ZNF655: variants seen among roughly 807,000 people sequenced by gnomAD.
ZNF655 encodes zinc finger protein 655.
ZNF655 carries 3 observed loss-of-function variants against 6.6 expected under a neutral mutation model. That is an observed-to-expected ratio of 0.46 (90% CI 0.21 to 1.18). The LOEUF (loss-of-function observed/expected upper bound fraction) is 1.18. Ranked by LOEUF, ZNF655 falls within the 50% of genes most tolerant of loss-of-function variation. The probability of loss-of-function intolerance (pLI) is 0.24; values close to 1 mark genes in which losing one functional copy is unlikely to be tolerated. For missense variants in ZNF655, 526 were observed against 572.3 expected, an observed-to-expected ratio of 0.92 and a Z score of 0.83; for synonymous variants, 178 against 195.0, an observed-to-expected ratio of 0.91 and a Z score of 0.73.
intron 1 of ZNF655, among the ~76,000 whole-genome samples, chr7:99,559,914 C>G (rs905612467): frequency 2.0e-5 from 3 of 151,538 alleles, no homozygotes; most frequent in Non-Finnish European, 4.4e-5. Flanking sequence ...AGGCTTGAGC[C>G]ACCGCACGTG....
Position 99,573,515 on chromosome 7 carries a change from G to C in ZNF655, c.1407G>C (p.Trp469Cys), listed in dbSNP as rs763696071. ...TRQKAFDCDV[W>C]EKNSSQRAHL... Reference sequence around the variant, plus strand: ...AGAAAGCCTTTGATTGTGATGTATGGGAAAAGAACTCCAGTCAGAGAGCAC... The same window carrying C: ...AGAAAGCCTTTGATTGTGATGTATGCGAAAAGAACTCCAGTCAGAGAGCAC... The change falls in exon 3 of 3, where the codon TGG (tryptophan) becomes TGC (cysteine). Residue 469 changes from tryptophan to cysteine, a missense_variant. By Grantham distance (215) the Trp-to-Cys change is radical. Transcript: ENST00000252713. The C allele has an allele frequency of 1.9e-6, 3 of 1,611,516 alleles. No homozygotes were observed. The highest frequency in any genetic ancestry group is 2.5e-6 in the Non-Finnish European group (3 of 1,179,962).
Position 99,560,481 on chromosome 7 carries a change from T to A in ZNF655, c.-27-52T>A, listed in dbSNP as rs971296578. 5.2e-6 allele frequency: 8 copies of A among 1,532,700 alleles called. No homozygotes were observed. In the African/African-American group the frequency reaches 6.9e-5, roughly 13 times the overall value. The allele number at this position is 1,532,700 out of a possible 1,614,324, so 94.9% of individuals were successfully genotyped here. A position where few individuals can be genotyped will look rare whatever the true frequency, so the allele number is the denominator to read the frequency against. ...TTTGCAAAGTCCTGACGATATAAAA[T>A]GATGAAATGCTTTAACTTATTACAG... is the stretch of plus-strand genomic sequence containing the variant. On this transcript the variant is annotated intron_variant, in intron 1 of 2. Transcript: ENST00000252713.
chr7:99,563,760 G>T, intron 2 of ZNF655: 1 of 1,378,784 alleles, frequency 7.3e-7, no homozygotes, highest in East Asian at 2.4e-5. Flanking sequence ...TTGTCTCCCT[G>T]ATTATGCTCA....
chr7:99,572,580 G>T lies in ZNF655; in HGVS notation c.472G>T (p.Asp158Tyr). 1 of 1,613,796 alleles carries T rather than the reference G, an allele frequency of 6.2e-7. No homozygotes were observed. The highest frequency in any genetic ancestry group is 1.1e-5 in the South Asian group (1 of 91,044). Residue 158 changes from aspartate (D) to tyrosine (Y), a missense_variant, in exon 3 of 3, where the codon GAC becomes TAC. By Grantham distance (160) the Asp-to-Tyr change is radical. Transcript: ENST00000252713. ...QRVLRIQNTDDNDKYDMSFNQ... is the reference protein window; with the variant it reads ...QRVLRIQNTDYNDKYDMSFNQ... ...AGTTCTTAGAATACAGAATACCGAT[G>T]ACAATGATAAGTATGACATGAGCTT...
intron 2 of ZNF655, chr7:99,562,392 G>T: frequency 6.2e-7 from 1 of 1,614,170 alleles, no homozygotes; most frequent in Non-Finnish European, 8.5e-7. Context: ...CGAGGATGTG[G>T]CTGTGCACCT....
chr7:99,571,576 T>C, intron 2 of ZNF655: 4 of 1,009,858 alleles, frequency 4.0e-6, no homozygotes, highest in Non-Finnish European at 5.6e-6. Flanking sequence ...TCCTAATTAA[T>C]GTCTTCTCAG....
At chr7:99,571,363 C>T (rs922036404) in intron 2 of ZNF655, 18 of 1,252,184 alleles carry the variant, frequency 1.4e-5, no homozygotes, top group East Asian at 1.1e-4. Context: ...AGATCTAATC[C>T]GAAGATTAAT....
chr7:99,564,052 G>A (rs550640045), intron 2 of ZNF655: 13 of 1,601,866 alleles, frequency 8.1e-6, no homozygotes, highest in South Asian at 4.4e-5. Flanking sequence ...CCTTTTCCAC[G>A]ATTGTGAGAT....
intron 2 of ZNF655, chr7:99,562,641 C>T (rs1803289941): frequency 1.3e-6 from 1 of 762,982 alleles, no homozygotes; most frequent in African/African-American, 1.8e-5. Context: ...TTCACATCGT[C>T]TTCTCCGGGA....
intron 1 of ZNF655, 168 bp downstream of exon 1, chr7:99,558,955 A>G (rs1305997350): frequency 6.6e-6 from 1 of 152,244 alleles, no homozygotes; most frequent in Non-Finnish European, 1.5e-5. Context: ...GCCCTGGTTC[A>G]TTCACCTCGC....
At chr7:99,563,915 GGCCCTGAGTCATACCCAGGCAAGT>G in intron 2 of ZNF655, 1 of 1,613,166 alleles carries the variant, frequency 6.2e-7, no homozygotes, top group Non-Finnish European at 8.5e-7. Context: ...ATTCCTGCCC[GGCCCTGAGTCATACCCAGGCAAGT>G]GCTTTCTCTG....
intron 2 of ZNF655, chr7:99,564,446 G>T (rs998772345): frequency 2.0e-6 from 2 of 1,010,840 alleles, no homozygotes; most frequent in South Asian, 8.5e-5. Flanking sequence ...AGTCCCTGTG[G>T]CCCTCTTCAA....
intron 2 of ZNF655, among the ~76,000 whole-genome samples, chr7:99,566,512 T>G (rs1469808636): frequency 6.6e-6 from 1 of 152,228 alleles, no homozygotes; most frequent in Non-Finnish European, 1.5e-5. Flanking sequence ...TTCAGATGGC[T>G]AAAAGCATAG....
intron 2 of ZNF655, among the ~76,000 whole-genome samples, chr7:99,563,463 C>G (rs553278040): frequency 2.1e-4 from 32 of 152,210 alleles, no homozygotes; most frequent in South Asian, 1.9e-3. Flanking sequence ...GGATTACAGG[C>G]ATGGGCCACC....
At chr7:99,572,125 GTAAA>G (rs1287853729) in intron 2 of ZNF655, 116 bp from the exon 3 acceptor site, 2 of 1,119,808 alleles carry the variant, frequency 1.8e-6, no homozygotes, top group African/African-American at 1.6e-5. Flanking sequence ...GTTTTTCAGA[GTAAA>G]TAAACTTTTC....
At chr7:99,567,089 T>G (rs370830420) in intron 2 of ZNF655, among the ~76,000 whole-genome samples, 1 of 152,238 alleles carries the variant, frequency 6.6e-6, no homozygotes, top group African/African-American at 2.4e-5. Context: ...CCAGCTAATT[T>G]TTGTATTTTT....
chr7:99,572,692 A>G lies in ZNF655; in HGVS notation c.584A>G (p.Asp195Gly). The change falls in exon 3 of 3, where the codon GAT becomes GGT. Residue 195 changes from aspartate (D) to glycine (G), a missense_variant. Transcript: ENST00000252713. ...AGTGAATGTAAGGAAAGCTTAATGG[A>G]TCTCTCCCACCTTAATAAATGGGAG... Reference protein sequence around the residue: ...QSSECKESLMDLSHLNKWESI... With the variant: ...QSSECKESLMGLSHLNKWESI... 1.2e-6 allele frequency: 2 copies of G among 1,613,590 alleles called. No homozygotes were observed. The highest frequency in any genetic ancestry group is 1.3e-5 in the African/African-American group (1 of 75,044).
chr7:99,569,421 CATT>C (rs1276316616), intron 2 of ZNF655, among the ~76,000 whole-genome samples: 1 of 151,946 alleles, frequency 6.6e-6, no homozygotes, highest in Non-Finnish European at 1.5e-5. Context: ...TGTTCACAGT[CATT>C]ATTTATTTTT....
Position 99,574,789 on chromosome 7 carries a change from C to T in ZNF655, c.*1205C>T, listed in dbSNP as rs1422341061. The T allele has an allele frequency of 6.6e-6, 1 of 152,148 alleles. No homozygotes were observed. The highest frequency in any genetic ancestry group is 2.4e-5 in the African/African-American group (1 of 41,434). The allele number at this position is 152,148 out of a possible 1,614,324, so 9.4% of individuals were successfully genotyped here. On this transcript the variant is annotated 3_prime_UTR_variant, in exon 3 of 3. Transcript: ENST00000252713. ...ATCTTATGTCGTATTGCTTTACAGCCACAACACTTGGATTCCTGTTGATTA... is the reference window on the plus strand; with the variant it reads ...ATCTTATGTCGTATTGCTTTACAGCTACAACACTTGGATTCCTGTTGATTA...
Sources: allele counts gnomAD v4.1 joint callset (sites outside exome capture counted in the v4.1 genomes callset), GRCh38; gene constraint gnomAD v4.1.1; transcripts MANE v1.5; gene names NCBI Gene and HGNC (gene_info 2026-07-23, HGNC 2026-07-21).